The following ADAM22 variants were observed in gnomAD, a reference collection of about 807,000 sequenced individuals.
ADAM22 encodes the protein ADAM metallopeptidase domain 22, also known as disintegrin and metalloproteinase domain-containing protein 22.
A neutral mutation model predicts 144.6 loss-of-function variants in ADAM22; 65 were observed. That is an observed-to-expected ratio of 0.45 (90% confidence interval 0.37 to 0.55). The LOEUF is 0.55. Among genes scored for constraint, ADAM22 ranks in the 20% least tolerant of loss-of-function variants. The pLI is 0.00. For synonymous variants in ADAM22, 391 were observed against 412.6 expected (o/e 0.95, Z 0.63); for missense variants, 974 against 1,184.9 (o/e 0.82, Z 2.61).
At chr7:88,154,608 T>A (rs1839385947) in intron 21 of ADAM22, among the ~76,000 whole-genome samples, 1 of 152,190 alleles carries the variant, frequency 6.6e-6, no homozygotes, top group Admixed American at 6.6e-5. Flanking sequence ...GTGTGATTTA[T>A]CTTCTTATTT....
At chr7:88,016,711 T>C (rs191947536) in intron 3 of ADAM22, among the ~76,000 whole-genome samples, 1 of 152,254 alleles carries the variant, frequency 6.6e-6, no homozygotes, top group East Asian at 1.9e-4. Context: ...CTCACTCATA[T>C]GTGGGAGCTA....
chr7:88,168,784 C>A (rs903287184), intron 25 of ADAM22, among the ~76,000 whole-genome samples: 4 of 151,940 alleles, frequency 2.6e-5, no homozygotes, highest in Non-Finnish European at 5.9e-5. Context: ...AACTTAAAAT[C>A]ATATTCTGCT....
intron 4 of ADAM22, among the ~76,000 whole-genome samples, chr7:88,083,013 A>G (rs1031115484): frequency 1.3e-5 from 2 of 152,244 alleles, no homozygotes; most frequent in East Asian, 3.8e-4. Context: ...ATTATAAATC[A>G]TGCTGCTATA....
At chr7:88,141,533 GT>G (rs370237508) in intron 14 of ADAM22, among the ~76,000 whole-genome samples, 3 of 151,502 alleles carry the variant, frequency 2.0e-5, no homozygotes, top group East Asian at 1.9e-4. Flanking sequence ...TTCTTACCTT[GT>G]TTTTTTTCCC....
chr7:88,125,655 G>T lies in ADAM22; in HGVS notation c.674G>T (p.Arg225Leu). 6.3e-7 allele frequency: 1 copy of T among 1,589,894 alleles called. No homozygotes were observed. Among genetic ancestry groups the T allele is most frequent in the South Asian group, 1.1e-5 (1 of 87,076 alleles). The stretch of plus-strand genomic sequence containing the variant: ...AAGCCAAGACCAAAAAGGAGTAAAC[G>T]GCAGGTATGTATTCACAGTGGTGTG... Reference protein sequence around the residue: ...ILKPRPKRSKRQLRRYPRNVE... With the variant: ...ILKPRPKRSKLQLRRYPRNVE... Residue 225 changes from arginine to leucine, a missense_variant, in exon 8 of 32, where the codon CGG becomes CTG. Physicochemically the swap from Arg to Leu is moderately radical, Grantham distance 102. This residue lies in a region of ADAM22 where 734 missense variants were observed against 950.6 expected (regional missense o/e 0.77). Coordinates refer to ENST00000413139, the MANE Select transcript of ADAM22 (RefSeq NM_001324418.2).
At chr7:88,169,486 G>T (rs2129532964) in intron 25 of ADAM22, among the ~76,000 whole-genome samples, 1 of 152,028 alleles carries the variant, frequency 6.6e-6, no homozygotes, top group Non-Finnish European at 1.5e-5. Flanking sequence ...TCCCTTTTCA[G>T]CTAAATAAAC....
At chr7:87,984,770 C>T (rs1462400554) in intron 3 of ADAM22, among the ~76,000 whole-genome samples, 6 of 151,996 alleles carry the variant, frequency 3.9e-5, no homozygotes, top group Non-Finnish European at 8.8e-5. Context: ...AGCCTCAACC[C>T]CCTGGGCTCA....
chr7:88,025,055 G>A (rs186443448), intron 3 of ADAM22, among the ~76,000 whole-genome samples: 5,247 of 152,140 alleles, frequency 0.034, 125 homozygotes, highest in South Asian at 0.078. Flanking sequence ...ATAATCTTTT[G>A]GGTATATACC....
chr7:88,173,511 G>A (rs994784069), intron 26 of ADAM22, among the ~76,000 whole-genome samples: 2 of 152,012 alleles, frequency 1.3e-5, no homozygotes, highest in African/African-American at 4.8e-5. Context: ...TTTTCTAAAT[G>A]AGTTTCCTTT....
At chr7:87,991,352 ATTTTTTTTT>A (rs10549124) in intron 3 of ADAM22, among the ~76,000 whole-genome samples, 1 of 86,070 alleles carries the variant, frequency 1.2e-5, no homozygotes, top group South Asian at 4.7e-4. Context: ...CACTAGCCTT[ATTTTTTTTT>A]TTTTTTTTTT....
intron 14 of ADAM22, among the ~76,000 whole-genome samples, chr7:88,138,005 T>C (rs553673061): frequency 1.2e-3 from 189 of 152,032 alleles, no homozygotes; most frequent in African/African-American, 4.4e-3. Flanking sequence ...AATACAAAAA[T>C]TAACCAGTCG....
chr7:88,126,135 T>C (rs1022293647), intron 8 of ADAM22, among the ~76,000 whole-genome samples: 1 of 152,076 alleles, frequency 6.6e-6, no homozygotes, highest in African/African-American at 2.4e-5. Flanking sequence ...TTATGATTGT[T>C]CGACTGGATC....
chr7:88,131,552 G>A (rs1831774884), intron 11 of ADAM22, 117 bp downstream of exon 11: 7 of 1,090,384 alleles, frequency 6.4e-6, no homozygotes, highest in Non-Finnish European at 9.2e-6. Context: ...ATGGCAGATG[G>A]CAGATAGATT....
intron 22 of ADAM22, among the ~76,000 whole-genome samples, chr7:88,160,879 C>T (rs536051887): frequency 1.3e-5 from 2 of 152,134 alleles, no homozygotes; most frequent in South Asian, 2.1e-4. Context: ...AAACCAAACA[C>T]CGTGTGTTCT....
At chr7:87,996,772 A>G (rs1000396085) in intron 3 of ADAM22, among the ~76,000 whole-genome samples, 1 of 152,254 alleles carries the variant, frequency 6.6e-6, no homozygotes. Flanking sequence ...GGTTCGCAGC[A>G]TAGTCTTTGT....
At chr7:88,055,358 C>T (rs2129475551) in intron 3 of ADAM22, among the ~76,000 whole-genome samples, 1 of 151,566 alleles carries the variant, frequency 6.6e-6, no homozygotes, top group Middle Eastern at 3.4e-3. Context: ...GAAACTAGAA[C>T]TCATCTCAAA....
chr7:88,099,731 C>G (rs1242683667), intron 4 of ADAM22, among the ~76,000 whole-genome samples: 1 of 152,040 alleles, frequency 6.6e-6, no homozygotes. Flanking sequence ...TTTTGAAAAC[C>G]TATAGTGCTA....
chr7:88,134,387 G>A lies in ADAM22; in HGVS notation c.1136G>A (p.Gly379Asp), dbSNP rs1176850650. Reference protein sequence around the residue: ...TLAQSLAHNIGIISDKRKLAS... With the variant: ...TLAQSLAHNIDIISDKRKLAS... ...GCCCAGTCATTAGCCCATAATATTGGTATTATCTCAGACAAAAGAAAGTTA... is the reference window on the plus strand; with the variant it reads ...GCCCAGTCATTAGCCCATAATATTGATATTATCTCAGACAAAAGAAAGTTA... The change falls in exon 13 of 32, where the codon GGT becomes GAT. Residue 379 changes from glycine to aspartate, a missense_variant. Physicochemically the swap from Gly to Asp is moderately conservative, Grantham distance 94. Around this residue, in one of 2 missense-constraint regions of ADAM22, gnomAD observed 734 missense variants for 950.6 expected, o/e 0.77. Coordinates refer to ENST00000413139, the MANE Select transcript of ADAM22 (RefSeq NM_001324418.2). 1 of 1,610,374 alleles carries A rather than the reference G, an allele frequency of 6.2e-7. No individual in the cohort carries two copies. The highest frequency in any genetic ancestry group is 8.5e-7 in the Non-Finnish European group (1 of 1,178,616).
At chr7:88,145,723 G>A (rs1235586195) in intron 17 of ADAM22, among the ~76,000 whole-genome samples, 1 of 152,178 alleles carries the variant, frequency 6.6e-6, no homozygotes, top group Non-Finnish European at 1.5e-5. Context: ...GCTTGTAGTG[G>A]TTAAGTAGTT....
Sources: gnomAD v4.1 joint callset for allele counts (sites outside exome capture counted in the v4.1 genomes callset) on GRCh38, gnomAD v4.1.1 for gene constraint, gnomAD v4.1.1 regional missense constraint, MANE v1.5 for transcripts, NCBI Gene and HGNC (gene_info 2026-07-23, HGNC 2026-07-21) for gene names.